The following ITGA9 variants were observed in gnomAD, a reference collection of about 807,000 sequenced individuals.
The protein encoded by ITGA9 is integrin subunit alpha 9.
A neutral mutation model predicts 127.8 loss-of-function variants in ITGA9; 56 were observed. The ratio of observed to expected loss-of-function variants is 0.44; its 90% CI spans 0.35 to 0.55. ITGA9 has a LOEUF of 0.55. ITGA9 is among the 20% of genes least tolerant of loss of function. ITGA9 has a pLI of 0.00. For synonymous variants in ITGA9, 508 were observed against 514.5 expected (o/e 0.99, Z 0.17); for missense variants, 1,196 against 1,347.1 (o/e 0.89, Z 1.76).
intron 15 of ITGA9, among the ~76,000 whole-genome samples, chr3:37,584,591 C>A (rs746523672): frequency 1.6e-4 from 24 of 151,956 alleles, no homozygotes; most frequent in Non-Finnish European, 2.5e-4. Flanking sequence ...CCCATCTCTA[C>A]TAAAAATACA....
Position 37,821,809 on chromosome 3 carries a change from T to C in ITGA9, c.*2820T>C, listed in dbSNP as rs141249722. 9.1e-4 allele frequency: 139 copies of C among 152,054 alleles called. 1 individual carries two copies. Among genetic ancestry groups the C allele is most frequent in the African/African-American group, 3.2e-3 (132 of 41,450 alleles). The allele number at this position is 152,054 out of a possible 1,614,324, so 9.4% of individuals were successfully genotyped here. ...ACTAAGACTTTATAAAGGCAGGTTT[T>C]AAGAAAACCAGCCTTGGCATCACCA... is the stretch of plus-strand genomic sequence containing the variant. On this transcript the variant is annotated 3_prime_UTR_variant, in exon 28 of 28. Coordinates refer to ENST00000264741, the MANE Select transcript of ITGA9 (RefSeq NM_002207.3).
At chr3:37,505,949 C>A in intron 6 of ITGA9, 51 bp from the exon 7 acceptor site, 1 of 1,270,480 alleles carries the variant, frequency 7.9e-7, no homozygotes, top group Non-Finnish European at 1.1e-6. Flanking sequence ...GTTTTTTTTT[C>A]CCTTCCCTTC....
intron 23 of ITGA9, among the ~76,000 whole-genome samples, chr3:37,759,826 AC>A (rs1468727734): frequency 1.3e-5 from 2 of 151,350 alleles, no homozygotes. Flanking sequence ...AATCGCTTGA[AC>A]CCGGGAAGCA....
chr3:37,756,437 G>A (rs1369942588), intron 23 of ITGA9, among the ~76,000 whole-genome samples: 1 of 152,094 alleles, frequency 6.6e-6, no homozygotes, highest in African/African-American at 2.4e-5. Flanking sequence ...CATCACACAA[G>A]TAGGAGTAAA....
At chr3:37,736,372 G>C (rs1281843719) in intron 19 of ITGA9, among the ~76,000 whole-genome samples, 1 of 152,184 alleles carries the variant, frequency 6.6e-6, no homozygotes, top group Admixed American at 6.5e-5. Context: ...TTTCAACAAA[G>C]ATGGAGTAGA....
chr3:37,712,206 C>T (rs896055847), intron 18 of ITGA9, among the ~76,000 whole-genome samples: 2 of 152,342 alleles, frequency 1.3e-5, no homozygotes, highest in African/African-American at 4.8e-5. Context: ...CTCTGAGCCT[C>T]CCCCAGATGT....
chr3:37,534,871 T>C (rs1220299690), intron 14 of ITGA9, among the ~76,000 whole-genome samples: 1 of 152,240 alleles, frequency 6.6e-6, no homozygotes, highest in Non-Finnish European at 1.5e-5. Flanking sequence ...TTCTAACAAC[T>C]ATTTCTCACC....
At chr3:37,576,432 T>G (rs978286611) in intron 15 of ITGA9, among the ~76,000 whole-genome samples, 1 of 152,210 alleles carries the variant, frequency 6.6e-6, no homozygotes, top group African/African-American at 2.4e-5. Flanking sequence ...CATTTTGTTA[T>G]GAGAGATTTC....
At chr3:37,488,095 T>G (rs529375114) in intron 4 of ITGA9, among the ~76,000 whole-genome samples, 2 of 152,312 alleles carry the variant, frequency 1.3e-5, no homozygotes, top group East Asian at 3.9e-4. Flanking sequence ...TGCCAGTTAT[T>G]TCATGAGTCT....
chr3:37,711,227 C>T (rs1701076475), intron 18 of ITGA9, among the ~76,000 whole-genome samples: 1 of 152,130 alleles, frequency 6.6e-6, no homozygotes, highest in Non-Finnish European at 1.5e-5. Flanking sequence ...GGGTTTGTAC[C>T]TGCTGTTGGC....
At chr3:37,607,388 A>G (rs1699978529) in intron 15 of ITGA9, among the ~76,000 whole-genome samples, 1 of 152,200 alleles carries the variant, frequency 6.6e-6, no homozygotes. Flanking sequence ...TGTAAGAACA[A>G]AAAACTTTTT....
At chr3:37,504,619 A>T (rs570903983) in intron 6 of ITGA9, among the ~76,000 whole-genome samples, 1 of 152,336 alleles carries the variant, frequency 6.6e-6, no homozygotes, top group East Asian at 1.9e-4. Context: ...AGCAGAAGAA[A>T]GCCCAGTTTG....
intron 18 of ITGA9, among the ~76,000 whole-genome samples, chr3:37,704,991 G>A (rs967512389): frequency 2.0e-5 from 3 of 152,196 alleles, no homozygotes; most frequent in African/African-American, 4.8e-5. Context: ...ACTAGGCATT[G>A]CAAAGATAAC....
At position 37,481,610 on chromosome 3, in the gene ITGA9, G is replaced by A. The variant is rs756687060; in HGVS notation, c.544+3G>A. The A allele has an allele frequency of 4.3e-6, 7 of 1,614,170 alleles. No homozygotes were observed. Among genetic ancestry groups the A allele is most frequent in the East Asian group, 2.2e-5 (1 of 44,874 alleles). On this transcript the variant is annotated splice_donor_region_variant and intron_variant, in intron 4 of 27. Transcript: ENST00000264741. ...GACGCTGATCCCTTGCTATGAAGGT[G>A]AGCATGGATTGATTTTTCCTCATCC...
At chr3:37,748,406 C>T in intron 22 of ITGA9, 1 of 596,736 alleles carries the variant, frequency 1.7e-6, no homozygotes, top group Non-Finnish European at 3.2e-6. Flanking sequence ...ATTAAGCACT[C>T]TAAGAGCCAA....
chr3:37,561,234 T>C (rs901299830), intron 15 of ITGA9, among the ~76,000 whole-genome samples: 1 of 152,176 alleles, frequency 6.6e-6, no homozygotes, highest in Admixed American at 6.5e-5. Context: ...ATAAAATCAA[T>C]AAAATGTTAA....
At chr3:37,563,551 A>G (rs890112045) in intron 15 of ITGA9, among the ~76,000 whole-genome samples, 1 of 152,188 alleles carries the variant, frequency 6.6e-6, no homozygotes, top group African/African-American at 2.4e-5. Context: ...TTTCCTACTC[A>G]TCCCCAGTTA....
chr3:37,554,781 A>G (rs1270791822), intron 15 of ITGA9, among the ~76,000 whole-genome samples: 1 of 152,188 alleles, frequency 6.6e-6, no homozygotes, highest in Non-Finnish European at 1.5e-5. Context: ...TGAGTACCTA[A>G]AAGGATGGAG....
At chr3:37,520,794 T>C (rs1219985079) in intron 11 of ITGA9, among the ~76,000 whole-genome samples, 1 of 152,164 alleles carries the variant, frequency 6.6e-6, no homozygotes, top group Non-Finnish European at 1.5e-5. Context: ...GGTGACAAGC[T>C]AAAAGTCACC....
Sources: allele counts gnomAD v4.1 joint callset (sites outside exome capture counted in the v4.1 genomes callset), GRCh38; gene constraint gnomAD v4.1.1; transcripts MANE v1.5; gene names NCBI Gene and HGNC (gene_info 2026-07-23, HGNC 2026-07-21).